Variants in SEZ6L observed in about 807,000 individuals in gnomAD.
SEZ6L encodes seizure related 6 homolog like, also known as seizure 6-like protein.
SEZ6L carries 37 observed loss-of-function variants against 106.2 expected under a neutral mutation model. The observed-to-expected ratio is 0.35, with a 90% CI of 0.27 to 0.46. The LOEUF (loss-of-function observed/expected upper bound fraction) is 0.46, where lower values mean the gene tolerates loss of function less well. Ranked by LOEUF, SEZ6L falls within the 20% of genes least tolerant of loss-of-function variation. SEZ6L has a pLI of 1.00. For missense variants in SEZ6L, 1,172 were observed against 1,332.8 expected (o/e 0.88, Z 1.88); for synonymous variants, 541 against 570.4 (o/e 0.95, Z 0.73).
rs778295774 is a variant in SEZ6L, at chr22:26,365,512, C to T, written c.2740C>T (p.Arg914Cys). ...TGAGCTCATGGGTGAAGTGACCATC[C>T]GCTGCATCCTGGGACAGCCATCCCA... ...GFELMGEVTI[R>C]CILGQPSHWN... The change falls in exon 13 of 17, where the codon CGC becomes TGC. Residue 914 changes from arginine (R) to cysteine (C), a missense_variant. This residue lies in a region of SEZ6L where 141 missense variants were observed against 176.0 expected (regional missense o/e 0.80). Coordinates refer to ENST00000248933, the MANE Select transcript of SEZ6L (RefSeq NM_021115.5). 2.5e-5 allele frequency: 41 copies of T among 1,614,000 alleles called. No individual in the cohort carries two copies. The highest frequency in any genetic ancestry group is 3.3e-5 in the Non-Finnish European group (39 of 1,180,014).
intron 8 of SEZ6L, 84 bp from the exon 9 acceptor site, chr22:26,313,680 T>G: frequency 6.5e-7 from 1 of 1,528,622 alleles, no homozygotes; most frequent in Non-Finnish European, 9.0e-7. Context: ...GCTGTCTGAC[T>G]TCATAGCCCA....
chr22:26,356,633 T>C (rs6005023), intron 12 of SEZ6L, among the ~76,000 whole-genome samples: 10,764 of 148,856 alleles, frequency 0.072, 1,382 homozygotes, highest in African/African-American at 0.25. Context: ...CAGAGCAAGA[T>C]TCTGTCTCAA....
At chr22:26,318,538 T>C (rs964838290) in intron 9 of SEZ6L, among the ~76,000 whole-genome samples, 1 of 152,238 alleles carries the variant, frequency 6.6e-6, no homozygotes, top group Non-Finnish European at 1.5e-5. Flanking sequence ...TTCATGTTTT[T>C]AAGCACTTAC....
At chr22:26,223,618 C>T (rs1602077891) in intron 1 of SEZ6L, among the ~76,000 whole-genome samples, 1 of 152,062 alleles carries the variant, frequency 6.6e-6, no homozygotes, top group South Asian at 2.1e-4. Flanking sequence ...AAAAAAATCC[C>T]TTCATTTCTC....
chr22:26,330,800 G>A (rs1941131), intron 9 of SEZ6L, among the ~76,000 whole-genome samples: 6,018 of 152,256 alleles, frequency 0.04, 131 homozygotes, highest in Admixed American at 0.059. Flanking sequence ...GCTTACTCCA[G>A]CCAAAATAAT....
chr22:26,223,887 A>G (rs933787387), intron 1 of SEZ6L, among the ~76,000 whole-genome samples: 1 of 152,196 alleles, frequency 6.6e-6, no homozygotes, highest in Non-Finnish European at 1.5e-5. Context: ...CATTTGTAAA[A>G]CAAAGCTGGT....
At chr22:26,293,541 G>T (rs913800234) in intron 2 of SEZ6L, among the ~76,000 whole-genome samples, 4 of 152,000 alleles carry the variant, frequency 2.6e-5, no homozygotes, top group African/African-American at 7.3e-5. Context: ...TATTGTCCAG[G>T]CTGGGGAACT....
chr22:26,213,818 A>G (rs1317740773), intron 1 of SEZ6L, among the ~76,000 whole-genome samples: 1 of 152,208 alleles, frequency 6.6e-6, no homozygotes, highest in Non-Finnish European at 1.5e-5. Flanking sequence ...CTACTTGGGA[A>G]GCTGATGTGT....
chr22:26,292,033 AAGGATGG>A (rs1316550682), intron 1 of SEZ6L, among the ~76,000 whole-genome samples: 1 of 49,236 alleles, frequency 2.0e-5, no homozygotes, highest in Admixed American at 1.5e-4. Context: ...GGAAGGAAGG[AAGGATGG>A]ATGGAAGGAA....
chr22:26,327,136 T>C (rs989636025), intron 9 of SEZ6L, among the ~76,000 whole-genome samples: 1 of 151,966 alleles, frequency 6.6e-6, no homozygotes, highest in Non-Finnish European at 1.5e-5. Context: ...CTCTGTCAAC[T>C]CTTCCTCCAG....
At chr22:26,197,360 A>G (rs996060203) in intron 1 of SEZ6L, among the ~76,000 whole-genome samples, 25 of 152,330 alleles carry the variant, frequency 1.6e-4, no homozygotes, top group Admixed American at 1.6e-3. Context: ...CTATTGCATG[A>G]CAGGTGTTCA....
intron 2 of SEZ6L, among the ~76,000 whole-genome samples, chr22:26,293,546 G>A (rs1033014014): frequency 2.0e-5 from 3 of 151,984 alleles, no homozygotes; most frequent in Non-Finnish European, 4.4e-5. Flanking sequence ...TCCAGGCTGG[G>A]GAACTCCTGG....
chr22:26,350,903 G>T, intron 11 of SEZ6L, 149 bp from the exon 12 acceptor site: 2 of 639,486 alleles, frequency 3.1e-6, no homozygotes, highest in South Asian at 2.4e-5. Flanking sequence ...TGATCCACCC[G>T]CCTCGGCCTC....
chr22:26,365,359 G>A lies in SEZ6L; in HGVS notation c.2600-13G>A. 3.1e-6 allele frequency: 5 copies of A among 1,596,710 alleles called. No individual in the cohort carries two copies. Among genetic ancestry groups the A allele is most frequent in the Non-Finnish European group, 4.3e-6 (5 of 1,165,732 alleles). On this transcript the variant is annotated splice_polypyrimidine_tract_variant and intron_variant, in intron 12 of 16. Transcript: ENST00000248933. ...CATCATCTCATCAGAGCTCCTTCTG[G>A]CTTGCATTTCAGCGGAGGAGTCCCT...
chr22:26,278,965 A>AGAGGAAGGGAGGGAGGGAGGGAGG, intron 1 of SEZ6L, among the ~76,000 whole-genome samples: 1 of 81,002 alleles, frequency 1.2e-5, no homozygotes. Flanking sequence ...GAAAGAGGAG[A>AGAGGAAGGGAGGGAGGGAGGGAGG]GAGGAAGGGA....
chr22:26,296,754 TG>T, intron 3 of SEZ6L, 133 bp from the exon 4 acceptor site: 1 of 664,314 alleles, frequency 1.5e-6, no homozygotes, highest in Non-Finnish European at 2.3e-6. Context: ...GGGCTCGGCA[TG>T]GGGCCCAGGG....
intron 1 of SEZ6L, among the ~76,000 whole-genome samples, chr22:26,170,837 T>A (rs538569992): frequency 6.6e-5 from 10 of 152,356 alleles, no homozygotes; most frequent in Admixed American, 6.5e-4. Context: ...CTGCCCAGGC[T>A]GAAGACAGAG....
At chr22:26,185,482 A>G (rs902906577) in intron 1 of SEZ6L, among the ~76,000 whole-genome samples, 1 of 152,156 alleles carries the variant, frequency 6.6e-6, no homozygotes, top group African/African-American at 2.4e-5. Context: ...AAAATGGACT[A>G]TGAGTTAAAA....
chr22:26,324,409 C>G (rs559595949), intron 9 of SEZ6L, among the ~76,000 whole-genome samples: 1 of 152,286 alleles, frequency 6.6e-6, no homozygotes, highest in East Asian at 1.9e-4. Context: ...AGCTGCAGAA[C>G]AGTCCTCTTC....
Sources: gnomAD v4.1 joint callset for allele counts (sites outside exome capture counted in the v4.1 genomes callset) on GRCh38, gnomAD v4.1.1 for gene constraint, gnomAD v4.1.1 regional missense constraint, MANE v1.5 for transcripts, NCBI Gene and HGNC (gene_info 2026-07-23, HGNC 2026-07-21) for gene names.